PLB1: variants seen among roughly 807,000 people sequenced by gnomAD.
The protein encoded by PLB1 is phospholipase B1, membrane-associated.
PLB1 carries 242 observed loss-of-function variants against 227.4 expected under a neutral mutation model. The observed-to-expected ratio is 1.06, with a 90% CI of 0.96 to 1.18. The LOEUF (loss-of-function observed/expected upper bound fraction) is 1.18. Among genes scored for constraint, PLB1 ranks in the 50% most tolerant of loss-of-function variants. The pLI is 0.00. For synonymous variants in PLB1, 757 were observed against 682.2 expected, an observed-to-expected ratio of 1.11 and a Z score of -1.71; for missense variants, 1,858 against 1,816.3, an observed-to-expected ratio of 1.02 and a Z score of -0.42.
intron 33 of PLB1, chr2:28,596,144 A>G (rs771288870): frequency 6.6e-6 from 1 of 152,198 alleles, no homozygotes; most frequent in Non-Finnish European, 1.5e-5. Context: ...CATCTACTCT[A>G]TTTTTCTGTA....
intron 21 of PLB1, among the ~76,000 whole-genome samples, chr2:28,577,453 T>A (rs1174977181): frequency 6.6e-6 from 1 of 152,242 alleles, no homozygotes; most frequent in African/African-American, 2.4e-5. Context: ...GACATGTGCA[T>A]GATGTGAAAT....
intron 37 of PLB1, 33 bp from the exon 38 acceptor site, chr2:28,601,866 T>G: frequency 1.3e-6 from 2 of 1,546,634 alleles, no homozygotes; most frequent in Non-Finnish European, 8.9e-7. Context: ...CCCTAACCAG[T>G]TCCTCCTTTT....
Position 28,582,050 on chromosome 2 carries a change from C to T in PLB1, c.1567-18C>T. 1.2e-6 allele frequency: 2 copies of T among 1,607,956 alleles called. No homozygotes were observed. The highest frequency in any genetic ancestry group is 1.7e-6 in the Non-Finnish European group (2 of 1,174,452). ...TAGGTGACAAATGGTGTTCAAGGGA[C>T]ACTTCCTCTTCCTGCAGGTCCACTA... On this transcript the variant is annotated intron_variant, in intron 23 of 57. Transcript: ENST00000327757.
chr2:28,573,870 G>A (rs755870706), intron 21 of PLB1, among the ~76,000 whole-genome samples: 4 of 152,244 alleles, frequency 2.6e-5, no homozygotes, highest in Non-Finnish European at 5.9e-5. Context: ...AAGTTCTGGT[G>A]AGCTGTAAAT....
chr2:28,635,721 C>T (rs1250043691), intron 56 of PLB1, among the ~76,000 whole-genome samples: 3 of 150,908 alleles, frequency 2.0e-5, no homozygotes, highest in African/African-American at 7.3e-5. Context: ...CCAGAAGCTC[C>T]AGCAGCACCA....
chr2:28,547,555 C>T (rs1374264280), intron 14 of PLB1, among the ~76,000 whole-genome samples: 1 of 152,170 alleles, frequency 6.6e-6, no homozygotes, highest in African/African-American at 2.4e-5. Context: ...GGGTAAGATA[C>T]CGCTGAGGAA....
chr2:28,531,977 T>C (rs1671072829), intron 8 of PLB1, 131 bp from the exon 9 acceptor site: 2 of 690,920 alleles, frequency 2.9e-6, no homozygotes, highest in Admixed American at 2.4e-5. Flanking sequence ...CATATACTAC[T>C]ATTGAAAAAA....
chr2:28,540,025 C>A (rs1294888600), intron 11 of PLB1, among the ~76,000 whole-genome samples: 1 of 141,540 alleles, frequency 7.1e-6, no homozygotes, highest in Admixed American at 6.9e-5. Context: ...ACCTACCCCC[C>A]AGGGAGAGCT....
intron 1 of PLB1, among the ~76,000 whole-genome samples, chr2:28,511,618 A>AT (rs112812248): frequency 0.034 from 5,157 of 151,780 alleles, 301 homozygotes; most frequent in African/African-American, 0.12. Flanking sequence ...TGCTTTCAAA[A>AT]TTTTTCTTTG....
chr2:28,563,166 G>A, intron 18 of PLB1, 67 bp downstream of exon 18: 1 of 1,485,324 alleles, frequency 6.7e-7, no homozygotes, highest in Non-Finnish European at 9.4e-7. Flanking sequence ...AACCTGGAGA[G>A]GAAAATGGAG....
rs773103290 is a variant in PLB1, at chr2:28,641,014, C to A, written c.4173+13C>A. 1 of 1,611,488 alleles carries A rather than the reference C, an allele frequency of 6.2e-7. No homozygotes were observed. The highest frequency in any genetic ancestry group is 1.1e-5 in the South Asian group (1 of 90,592). On this transcript the variant is annotated intron_variant, in intron 57 of 57. Coordinates refer to ENST00000327757, the MANE Select transcript of PLB1 (RefSeq NM_153021.5). The stretch of plus-strand genomic sequence containing the variant: ...GTGCCCCTCTCCTGTGAGTAAACGT[C>A]CTGCCTGCCCCAGGTGGAACAGATG...
At chr2:28,597,838 G>A (rs1683212656) in intron 33 of PLB1, among the ~76,000 whole-genome samples, 167 bp from the exon 34 acceptor site, 1 of 152,146 alleles carries the variant, frequency 6.6e-6, no homozygotes, top group South Asian at 2.1e-4. Flanking sequence ...TATGTTAGGG[G>A]CTTAAAAATT....
chr2:28,609,654 T>G (rs1685164822), intron 43 of PLB1, among the ~76,000 whole-genome samples: 1 of 152,176 alleles, frequency 6.6e-6, no homozygotes, highest in South Asian at 2.1e-4. Context: ...AGCTTAACAT[T>G]CATTCAAAAA....
intron 40 of PLB1, 41 bp downstream of exon 40, chr2:28,604,088 C>T (rs763805111): frequency 2.3e-5 from 36 of 1,544,632 alleles, no homozygotes; most frequent in South Asian, 1.0e-4. Context: ...CTCTCCCCTA[C>T]GTTCACTCTA....
At chr2:28,601,378 C>G (rs371485230) in intron 37 of PLB1, 46 bp downstream of exon 37, 7 of 1,540,052 alleles carry the variant, frequency 4.5e-6, no homozygotes, top group Non-Finnish European at 6.3e-6. Context: ...CTAACTTTGC[C>G]CAGTAGGCGT....
rs772697640 is a variant in PLB1 at position 28,585,813 on chromosome 2, A to G, written c.1786A>G (p.Thr596Ala). Reference protein sequence around the residue: ...KFDDNSTELATLIEFNKKFQE... With the variant: ...KFDDNSTELAALIEFNKKFQE... ...TGATGATAACTCAACAGAACTTGCT[A>G]CCCTCATCGAATTCAACAAGAAGTT... The change falls in exon 26 of 58, where the codon ACC (threonine) becomes GCC (alanine). Residue 596 changes from threonine (T) to alanine (A), a missense_variant. Physicochemically the swap from Thr to Ala is moderately conservative, Grantham distance 58. Transcript: ENST00000327757. 2 of 1,611,906 alleles carry G rather than the reference A, an allele frequency of 1.2e-6. No homozygotes were observed. Among genetic ancestry groups the G allele is most frequent in the South Asian group, 1.1e-5 (1 of 91,036 alleles).
At chr2:28,628,908 T>C (rs1388932130) in intron 52 of PLB1, among the ~76,000 whole-genome samples, 186 bp from the exon 53 acceptor site, 1 of 152,180 alleles carries the variant, frequency 6.6e-6, no homozygotes, top group East Asian at 1.9e-4. Flanking sequence ...GTGTCTCAGT[T>C]TCTCAACCTA....
At chr2:28,598,277 G>T (rs753591643) in intron 34 of PLB1, among the ~76,000 whole-genome samples, 1 of 152,304 alleles carries the variant, frequency 6.6e-6, no homozygotes, top group East Asian at 1.9e-4. Context: ...CTGGTGCTGG[G>T]TTCAATCTCC....
At position 28,563,034 on chromosome 2, in the gene PLB1, T is replaced by G; in HGVS notation, c.1148-7T>G. The G allele has an allele frequency of 1.2e-6, 2 of 1,612,826 alleles. No homozygotes were observed. Among genetic ancestry groups the G allele is most frequent in the Non-Finnish European group, 1.7e-6 (2 of 1,178,802 alleles). ...CATTTTCCACTCACTCCTGCTTATA[T>G]TCTTAGTTCATAGGCTGAAGCCGGC... On this transcript the variant is annotated splice_polypyrimidine_tract_variant and splice_region_variant and intron_variant, in intron 17 of 57. Transcript: ENST00000327757.
Sources: gnomAD v4.1 joint callset for allele counts (sites outside exome capture counted in the v4.1 genomes callset) on GRCh38, gnomAD v4.1.1 for gene constraint, MANE v1.5 for transcripts, NCBI Gene and HGNC (gene_info 2026-07-23, HGNC 2026-07-21) for gene names.